Variants in MEP1A observed in about 807,000 individuals in gnomAD.
MEP1A encodes N-benzoyl-L-tyrosyl-P-amino-benzoic acid hydrolase subunit alpha.
Under a neutral mutation model 84.5 loss-of-function variants are expected in MEP1A, and 68 were observed. The ratio of observed to expected loss-of-function variants is 0.80; its 90% confidence interval spans 0.66 to 0.98. The LOEUF is 0.98. Among genes scored for constraint, MEP1A ranks in the 50% least tolerant of loss-of-function variants. The pLI, the probability that MEP1A is intolerant of heterozygous loss-of-function variation, is 0.00. For synonymous variants in MEP1A, 337 were observed against 336.8 expected, an observed-to-expected ratio of 1.00 and a Z score of -0.01; for missense variants, 887 against 919.9, an observed-to-expected ratio of 0.96 and a Z score of 0.46.
chr6:46,826,455 A>T lies in MEP1A; in HGVS notation c.880A>T (p.Ser294Cys). 2 of 1,605,342 alleles carry T rather than the reference A, an allele frequency of 1.2e-6. No homozygotes were observed. The highest frequency in any genetic ancestry group is 2.3e-5 in the South Asian group (2 of 88,346). ...TGACACTGACTGGGCCCATCAGGACAGTGCTCAGGCTGGAGAAGTGGATCA... is the reference window on the plus strand; with the variant it reads ...TGACACTGACTGGGCCCATCAGGACTGTGCTCAGGCTGGAGAAGTGGATCA... ...RDDTDWAHQD[S>C]AQAGEVDHTL... The change falls in exon 9 of 14, where the codon AGT (serine) becomes TGT (cysteine). Residue 294 changes from serine to cysteine, a missense_variant. By Grantham distance (112) the Ser-to-Cys change is moderately radical (BLOSUM62 -1). Coordinates refer to ENST00000230588, the MANE Select transcript of MEP1A (RefSeq NM_005588.3).
intron 7 of MEP1A, among the ~76,000 whole-genome samples, chr6:46,824,523 A>G (rs1328763362): frequency 7.0e-6 from 1 of 143,326 alleles, no homozygotes; most frequent in South Asian, 2.1e-4. Context: ...ATTTAAATAT[A>G]TATAAATTAT....
chr6:46,796,316 T>A (rs1313527051), intron 3 of MEP1A, among the ~76,000 whole-genome samples: 3 of 152,128 alleles, frequency 2.0e-5, no homozygotes, highest in Non-Finnish European at 4.4e-5. Context: ...CTATCTGGTG[T>A]TGCCTCTACC....
At chr6:46,817,340 T>A (rs939609054) in intron 6 of MEP1A, among the ~76,000 whole-genome samples, 1 of 152,222 alleles carries the variant, frequency 6.6e-6, no homozygotes, top group East Asian at 1.9e-4. Context: ...TCTTACTGCA[T>A]GTGTTTTATT....
intron 3 of MEP1A, among the ~76,000 whole-genome samples, chr6:46,797,554 G>A (rs1767071595): frequency 6.6e-6 from 1 of 152,152 alleles, no homozygotes; most frequent in Non-Finnish European, 1.5e-5. Context: ...GCAGCACCTT[G>A]AGCTTGGTTT....
chr6:46,807,564 GA>G (rs1311626727), intron 5 of MEP1A, among the ~76,000 whole-genome samples: 51 of 61,442 alleles, frequency 8.3e-4, no homozygotes, highest in African/African-American at 3.4e-3. Flanking sequence ...AAGAAAGAAA[GA>G]AAGGAAGGAA....
intron 7 of MEP1A, among the ~76,000 whole-genome samples, chr6:46,823,507 G>A (rs1025601201): frequency 2.6e-5 from 4 of 152,206 alleles, no homozygotes; most frequent in Non-Finnish European, 5.9e-5. Context: ...AGCTACTCAG[G>A]AGGCTGAGGC....
chr6:46,833,548 G>A lies in MEP1A; in HGVS notation c.1609+10G>A. 2 of 1,608,144 alleles carry A rather than the reference G, an allele frequency of 1.2e-6. No individual in the cohort carries two copies. The highest frequency in any genetic ancestry group is 1.3e-5 in the African/African-American group (1 of 74,906). ...TCGCACACATCTCCAGGTGGGTGGT[G>A]TCAGCGCAAATAAGAACTGCCCCTT... On this transcript the variant is annotated intron_variant, in intron 11 of 13. Transcript: ENST00000230588.
Position 46,829,419 on chromosome 6 carries a change from A to C in MEP1A, c.992A>C (p.Glu331Ala). 6.2e-7 allele frequency: 1 copy of C among 1,614,120 alleles called. No homozygotes were observed. The highest frequency in any genetic ancestry group is 1.3e-5 in the African/African-American group (1 of 75,030). The change falls in exon 10 of 14, where the codon GAG becomes GCG. Residue 331 changes from glutamate (E) to alanine (A), a missense_variant. Coordinates refer to ENST00000230588, the MANE Select transcript of MEP1A (RefSeq NM_005588.3). ...SGSAEEAALL[E>A]SRILYPKRKQ... is the part of the protein sequence containing the mutation. ...TCCGCGGAAGAGGCAGCCCTACTGG[A>C]GTCTCGGATTCTTTACCCAAAGAGG... is the stretch of plus-strand genomic sequence containing the variant.
At chr6:46,807,512 TAAAGAAAGAAAGAAAGAAAGAAAG>T (rs60287159) in intron 5 of MEP1A, among the ~76,000 whole-genome samples, 2 of 49,526 alleles carry the variant, frequency 4.0e-5, no homozygotes, top group African/African-American at 1.5e-4. Flanking sequence ...CCATCTGAAA[TAAAGAAAGAAAGAAAGAAAGAAAG>T]AAAGAAAGAA....
intron 5 of MEP1A, among the ~76,000 whole-genome samples, chr6:46,801,822 G>A (rs1301117005): frequency 6.6e-6 from 1 of 151,976 alleles, no homozygotes; most frequent in African/African-American, 2.4e-5. Context: ...GTATTTATTA[G>A]CCCAGTTGTT....
At chr6:46,820,687 G>A (rs868751749) in intron 7 of MEP1A, among the ~76,000 whole-genome samples, 10 of 152,146 alleles carry the variant, frequency 6.6e-5, no homozygotes, top group Middle Eastern at 3.4e-3. Context: ...CACCGTGTCC[G>A]GCCCTTACTT....
At chr6:46,813,853 T>C (rs558025815) in intron 6 of MEP1A, among the ~76,000 whole-genome samples, 65 of 152,332 alleles carry the variant, frequency 4.3e-4, no homozygotes, top group African/African-American at 1.3e-3. Context: ...ATAATTGTTT[T>C]GTTTAAGGAG....
chr6:46,816,958 G>T (rs755398776), intron 6 of MEP1A, among the ~76,000 whole-genome samples: 5 of 152,162 alleles, frequency 3.3e-5, no homozygotes, highest in Non-Finnish European at 5.9e-5. Flanking sequence ...TTCATTCTAT[G>T]CTCAGTTTTC....
intron 7 of MEP1A, 58 bp downstream of exon 7, chr6:46,819,762 T>C: frequency 6.4e-7 from 1 of 1,553,622 alleles, no homozygotes; most frequent in Non-Finnish European, 8.8e-7. Context: ...AATCCTGAGA[T>C]GACCAAGCCA....
At chr6:46,799,034 T>C in intron 4 of MEP1A, 72 bp from the exon 5 acceptor site, 1 of 904,954 alleles carries the variant, frequency 1.1e-6, no homozygotes, top group Non-Finnish European at 1.8e-6. Flanking sequence ...TCTGTGAGAG[T>C]TTAGTGAAGG....
At position 46,835,350 on chromosome 6, in the gene MEP1A, G is replaced by A; in HGVS notation, c.1885G>A (p.Gly629Ser). 1 of 1,611,164 alleles carries A rather than the reference G, an allele frequency of 6.2e-7. No homozygotes were observed. Among genetic ancestry groups the A allele is most frequent in the Non-Finnish European group, 8.5e-7 (1 of 1,178,734 alleles). The change falls in exon 13 of 14, where the codon GGT becomes AGT. Residue 629 changes from glycine to serine, a missense_variant. Coordinates refer to ENST00000230588, the MANE Select transcript of MEP1A (RefSeq NM_005588.3). ...CCAGGAGCAGCAGGTCTCCGAAGAA[G>A]GTTCGGGAAAGGCCATGTTAGAGGA... ...QGQEQQVSEE[G>S]SGKAMLEEAL...
In MEP1A at chr6:46,825,489, T is replaced by C; in HGVS notation, c.774T>C (p.Asn258=). 2 of 1,604,462 alleles carry C rather than the reference T, an allele frequency of 1.2e-6. No homozygotes were observed. Among genetic ancestry groups the C allele is most frequent in the Non-Finnish European group, 1.7e-6 (2 of 1,172,610 alleles). Residue 258 remains asparagine, a synonymous_variant, in exon 8 of 14, where the codon AAT becomes AAC. Transcript: ENST00000230588. ...IDLERLNRMY[N]CTTTHTLLDH... ...TAGAGAGGCTGAACCGAATGTACAA[T>C]TGCAGTGAGTATCTCAGTTTCTGAG...
intron 13 of MEP1A, among the ~76,000 whole-genome samples, 164 bp from the exon 14 acceptor site, chr6:46,838,816 G>A (rs1378036371): frequency 4.6e-5 from 7 of 152,202 alleles, no homozygotes; most frequent in Admixed American, 3.3e-4. Context: ...GTTGTTGCAG[G>A]GTTAAATTAG....
In MEP1A at chr6:46,824,794, AATAT is replaced by A. The variant is rs376236802; in HGVS notation, c.557-472_557-469del. Among the ~76,000 whole-genome samples, 219 of 84,816 alleles carry A rather than the reference AATAT, an allele frequency of 2.6e-3. 6 individuals are homozygous for A. The highest frequency in any genetic ancestry group is 3.5e-3 in the African/African-American group (86 of 24,456). 55.6% of individuals were successfully genotyped at this position (84,816 alleles called of 152,430 possible). On this transcript the variant is annotated intron_variant, in intron 7 of 13. Transcript: ENST00000230588. ...TTATGTATTTAAATAGATGTATTTA[AATAT>A]ATATAAATGATGTATTTAATTAGAT...
Sources: gnomAD v4.1 joint callset for allele counts (sites outside exome capture counted in the v4.1 genomes callset) on GRCh38, gnomAD v4.1.1 for gene constraint, MANE v1.5 for transcripts, NCBI Gene and HGNC (gene_info 2026-07-23, HGNC 2026-07-21) for gene names.